Variants in PPP3CA observed in about 807,000 individuals in gnomAD.
PPP3CA encodes protein phosphatase 3 catalytic subunit alpha.
A neutral mutation model predicts 66.5 loss-of-function variants in PPP3CA; 14 were observed. That is an observed-to-expected ratio of 0.21 (90% CI 0.14 to 0.33). The LOEUF (loss-of-function observed/expected upper bound fraction) is 0.33, where lower values mean the gene tolerates loss of function less well. Among genes scored for constraint, PPP3CA ranks in the 10% least tolerant of loss-of-function variants. PPP3CA has a pLI of 1.00. For missense variants in PPP3CA, 317 were observed against 639.5 expected (o/e 0.50, Z 5.44); for synonymous variants, 232 against 226.2 (o/e 1.03, Z -0.23).
chr4:101,248,424 T>G (rs1013928492), intron 1 of PPP3CA, among the ~76,000 whole-genome samples: 1 of 152,192 alleles, frequency 6.6e-6, no homozygotes, highest in African/African-American at 2.4e-5. Context: ...CCACTATTCT[T>G]CAGAGAAAGT....
intron 1 of PPP3CA, among the ~76,000 whole-genome samples, chr4:101,246,475 A>G (rs771386679): frequency 1.3e-5 from 2 of 152,222 alleles, no homozygotes; most frequent in Non-Finnish European, 2.9e-5. Flanking sequence ...AACCACTGAC[A>G]TCTATTTTCT....
intron 10 of PPP3CA, among the ~76,000 whole-genome samples, chr4:101,060,237 A>G (rs1477411138): frequency 6.6e-6 from 1 of 151,910 alleles, no homozygotes; most frequent in Non-Finnish European, 1.5e-5. Context: ...ACAATCATGC[A>G]CCACCACACA....
At chr4:101,108,024 T>C (rs1023709645) in intron 3 of PPP3CA, 4 of 152,224 alleles carry the variant, frequency 2.6e-5, no homozygotes, top group Admixed American at 6.5e-5. Flanking sequence ...AGAACAAAGA[T>C]ATGAATAAAA....
chr4:101,299,106 G>GTT lies in PPP3CA; in HGVS notation c.58+47631_58+47632dup, dbSNP rs556244769. On this transcript the variant is annotated intron_variant, in intron 1 of 13. Transcript: ENST00000394854. ...ATGTCAATATCAAGTGCCATATATC[G>GTT]TTTTTTTTTTTTTTTTTTTTTTTTT... is the stretch of plus-strand genomic sequence containing the variant. Among the ~76,000 whole-genome samples, 391 of 85,512 alleles carry GTT rather than the reference G, an allele frequency of 4.6e-3. 65 individuals are homozygous for GTT. The highest frequency in any genetic ancestry group is 0.019 in the African/African-American group (341 of 17,902). 56.1% of individuals were successfully genotyped at this position (85,512 alleles called of 152,430 possible).
chr4:101,050,874 T>C (rs1323996163), intron 10 of PPP3CA, among the ~76,000 whole-genome samples: 2 of 152,292 alleles, frequency 1.3e-5, no homozygotes, highest in Admixed American at 1.3e-4. Flanking sequence ...ATATGAACAT[T>C]CCAGTTTTTC....
intron 10 of PPP3CA, among the ~76,000 whole-genome samples, chr4:101,050,849 G>C (rs1727977794): frequency 6.6e-6 from 1 of 152,174 alleles, no homozygotes; most frequent in South Asian, 2.1e-4. Flanking sequence ...TTATTAAGAA[G>C]AAACCCTTGT....
At chr4:101,225,265 ATTT>A (rs10578725) in intron 1 of PPP3CA, among the ~76,000 whole-genome samples, 100,136 of 151,348 alleles carry the variant, frequency 0.66, 34,111 homozygotes, top group Non-Finnish European at 0.74. Context: ...GCATGAAGAT[ATTT>A]TTATTAAATA....
At chr4:101,106,329 T>C (rs1183940355) in intron 3 of PPP3CA, among the ~76,000 whole-genome samples, 1 of 145,188 alleles carries the variant, frequency 6.9e-6, no homozygotes, top group African/African-American at 2.6e-5. Flanking sequence ...TACTGCATTG[T>C]AGCCTGGGTG....
chr4:101,172,230 C>A (rs1723907499), intron 2 of PPP3CA, among the ~76,000 whole-genome samples: 1 of 151,968 alleles, frequency 6.6e-6, no homozygotes, highest in Non-Finnish European at 1.5e-5. Flanking sequence ...TGCTATATTC[C>A]CACAACCTGA....
chr4:101,338,098 C>A (rs910027523), intron 1 of PPP3CA, among the ~76,000 whole-genome samples: 37 of 152,188 alleles, frequency 2.4e-4, no homozygotes, highest in African/African-American at 8.7e-4. Flanking sequence ...TGGCTCTCCC[C>A]TCAATTTAGT....
chr4:101,305,937 G>C (rs1430990131), intron 1 of PPP3CA, among the ~76,000 whole-genome samples: 1 of 151,942 alleles, frequency 6.6e-6, no homozygotes, highest in Non-Finnish European at 1.5e-5. Context: ...ACAGTGCTTT[G>C]AGAGGATAAG....
intron 1 of PPP3CA, among the ~76,000 whole-genome samples, chr4:101,204,278 A>G (rs1419137511): frequency 1.3e-5 from 2 of 152,062 alleles, no homozygotes; most frequent in Non-Finnish European, 2.9e-5. Flanking sequence ...AAGTGCTGGG[A>G]TTATTGGCAT....
intron 2 of PPP3CA, among the ~76,000 whole-genome samples, chr4:101,165,192 T>C (rs985762111): frequency 1.3e-5 from 2 of 152,196 alleles, no homozygotes; most frequent in African/African-American, 4.8e-5. Flanking sequence ...ATGACTCTTA[T>C]AATAGAAAAC....
At chr4:101,126,495 ATATT>A (rs1443179087) in intron 2 of PPP3CA, among the ~76,000 whole-genome samples, 1 of 152,172 alleles carries the variant, frequency 6.6e-6, no homozygotes, top group Non-Finnish European at 1.5e-5. Flanking sequence ...AATTTCCTTA[ATATT>A]TCAGAGATTA....
At chr4:101,103,976 G>T (rs924578958) in intron 3 of PPP3CA, among the ~76,000 whole-genome samples, 1 of 152,182 alleles carries the variant, frequency 6.6e-6, no homozygotes, top group African/African-American at 2.4e-5. Context: ...AAGCTTGCTT[G>T]TCTTATTTGG....
At chr4:101,163,388 T>A (rs768596860) in intron 2 of PPP3CA, among the ~76,000 whole-genome samples, 4 of 152,172 alleles carry the variant, frequency 2.6e-5, no homozygotes, top group Non-Finnish European at 5.9e-5. Context: ...AAACTAATGA[T>A]CTGAATCTAT....
intron 1 of PPP3CA, among the ~76,000 whole-genome samples, chr4:101,280,159 C>T (rs1727633500): frequency 6.6e-6 from 1 of 151,942 alleles, no homozygotes; most frequent in African/African-American, 2.4e-5. Flanking sequence ...GAATGTAAAG[C>T]AATAAACAGA....
At chr4:101,280,126 C>T (rs909284871) in intron 1 of PPP3CA, among the ~76,000 whole-genome samples, 28 of 152,224 alleles carry the variant, frequency 1.8e-4, no homozygotes, top group Admixed American at 1.8e-3. Flanking sequence ...AAAGTCACTG[C>T]CCTCTTAGAG....
At chr4:101,337,614 G>A (rs530170329) in intron 1 of PPP3CA, among the ~76,000 whole-genome samples, 2 of 152,308 alleles carry the variant, frequency 1.3e-5, no homozygotes, top group East Asian at 3.9e-4. Context: ...TCAACTCTTT[G>A]AAATGAAAGT....
Sources: gnomAD v4.1 joint callset for allele counts (sites outside exome capture counted in the v4.1 genomes callset) on GRCh38, gnomAD v4.1.1 for gene constraint, MANE v1.5 for transcripts, NCBI Gene and HGNC (gene_info 2026-07-23, HGNC 2026-07-21) for gene names.